Variants in KCNIP1 observed in about 807,000 individuals in gnomAD.
KCNIP1 encodes the protein A-type potassium channel modulatory protein KCNIP1.
A neutral mutation model predicts 33.0 loss-of-function variants in KCNIP1; 18 were observed. The ratio of observed to expected loss-of-function variants is 0.55; its 90% confidence interval spans 0.38 to 0.81. KCNIP1 has a LOEUF of 0.81. Ranked by LOEUF, KCNIP1 falls within the 30% of genes least tolerant of loss-of-function variation. The probability of loss-of-function intolerance (pLI) is 0.00; values close to 1 mark genes in which losing one functional copy is unlikely to be tolerated. For missense variants in KCNIP1, 238 were observed against 271.6 expected (o/e 0.88, Z 0.87); for synonymous variants, 93 against 98.3 (o/e 0.95, Z 0.32).
chr5:170,569,249 C>T lies in KCNIP1; in HGVS notation c.61+64616C>T, dbSNP rs547552894. ...AACTTTGCAAGCTTCTTCAAAGGAG[C>T]CCGTTCTGACCCAGGTCGATGGAGC... On this transcript the variant is annotated intron_variant, in intron 1 of 7. Transcript: ENST00000328939. Among the ~76,000 whole-genome samples, 6 of 152,376 alleles carry T rather than the reference C, an allele frequency of 3.9e-5. No homozygotes were observed. The South Asian group carries it at 1.0e-3, about 26-fold the overall frequency.
At chr5:170,521,382 GTC>G (rs1175620700) in intron 1 of KCNIP1, among the ~76,000 whole-genome samples, 2 of 152,202 alleles carry the variant, frequency 1.3e-5, no homozygotes, top group Non-Finnish European at 2.9e-5. Context: ...AGTGCAGGCT[GTC>G]TCTCTGCTCT....
intron 1 of KCNIP1, among the ~76,000 whole-genome samples, chr5:170,700,535 C>T (rs1308303666): frequency 6.6e-6 from 1 of 152,168 alleles, no homozygotes; most frequent in Non-Finnish European, 1.5e-5. Flanking sequence ...CCCCATTGCA[C>T]TCCATTCTAG....
intron 1 of KCNIP1, chr5:170,422,336 T>G (rs1416515844): frequency 6.6e-6 from 1 of 152,234 alleles, no homozygotes; most frequent in African/African-American, 2.4e-5. Context: ...GTCTTCAACT[T>G]TATCGTCTCA....
chr5:170,673,012 C>T (rs1467616364), intron 1 of KCNIP1, among the ~76,000 whole-genome samples: 3 of 152,214 alleles, frequency 2.0e-5, no homozygotes, highest in Non-Finnish European at 4.4e-5. Flanking sequence ...TACAGATCAT[C>T]CTGGACTATC....
intron 1 of KCNIP1, among the ~76,000 whole-genome samples, chr5:170,576,605 A>G (rs990517919): frequency 6.6e-6 from 1 of 152,232 alleles, no homozygotes; most frequent in Non-Finnish European, 1.5e-5. Context: ...CCCATGATTT[A>G]TTAGCCACTC....
Position 170,577,540 on chromosome 5 carries a change from C to T in KCNIP1, c.61+72907C>T, listed in dbSNP as rs535813107. 2.6e-5 allele frequency among the ~76,000 whole-genome samples: 4 copies of T among 152,196 alleles called. No individual in the cohort carries two copies. In the South Asian group the frequency reaches 8.3e-4, roughly 32 times the overall value. On this transcript the variant is annotated intron_variant, in intron 1 of 7. Coordinates refer to ENST00000328939, the MANE Select transcript of KCNIP1 (RefSeq NM_014592.4). ...TCTAACTGAATCTTTTAATATGGAC[C>T]GTCTCACTTGTTAATTCTGACTCAG...
chr5:170,674,813 A>G (rs1022888952), intron 1 of KCNIP1, among the ~76,000 whole-genome samples: 3 of 152,156 alleles, frequency 2.0e-5, no homozygotes, highest in Admixed American at 6.5e-5. Flanking sequence ...TCCAGTCTCC[A>G]TGGAGCTGAC....
In KCNIP1 at chr5:170,598,904, CGTGTGTGTGT is replaced by C. The variant is rs70979192; in HGVS notation, c.61+94300_61+94309del. Among the ~76,000 whole-genome samples the C allele has an allele frequency of 5.3e-4, 71 of 133,868 alleles. No individual in the cohort carries two copies. The East Asian group carries it at 6.1e-3, about 12-fold the overall frequency. The allele number at this position is 133,868 out of a possible 152,430, so 87.8% of individuals were successfully genotyped here. The stretch of plus-strand genomic sequence containing the variant: ...CATAGCCCCGCTGTGTGTGTGTGCG[CGTGTGTGTGT>C]GTGTGTGTGTGTGTGTGTGTGTGTG... On this transcript the variant is annotated intron_variant, in intron 1 of 7. Coordinates refer to ENST00000328939, the MANE Select transcript of KCNIP1 (RefSeq NM_014592.4).
chr5:170,654,664 T>C (rs1761191056), intron 1 of KCNIP1, among the ~76,000 whole-genome samples: 1 of 152,228 alleles, frequency 6.6e-6, no homozygotes, highest in South Asian at 2.1e-4. Flanking sequence ...ATATCAAGCA[T>C]CTGGAAGTAG....
At chr5:170,605,954 T>C (rs774167691) in intron 1 of KCNIP1, among the ~76,000 whole-genome samples, 1 of 152,140 alleles carries the variant, frequency 6.6e-6, no homozygotes, top group South Asian at 2.1e-4. Context: ...TTTGTATTTT[T>C]AGTAGCGACG....
intron 1 of KCNIP1, among the ~76,000 whole-genome samples, chr5:170,549,277 T>C (rs1581309750): frequency 6.6e-6 from 1 of 152,214 alleles, no homozygotes; most frequent in East Asian, 1.9e-4. Flanking sequence ...TCCTAGGCCA[T>C]GATAATGCTC....
chr5:170,709,061 C>T (rs1165677033), intron 1 of KCNIP1, among the ~76,000 whole-genome samples: 1 of 151,914 alleles, frequency 6.6e-6, no homozygotes, highest in African/African-American at 2.4e-5. Context: ...ACTTTATGGC[C>T]CAGGAAATGG....
At chr5:170,415,491 C>T (rs1755303481) in intron 1 of KCNIP1, among the ~76,000 whole-genome samples, 1 of 152,182 alleles carries the variant, frequency 6.6e-6, no homozygotes, top group Admixed American at 6.5e-5. Flanking sequence ...TCTCAAGACA[C>T]ACCACCCAGG....
At chr5:170,392,091 C>T (rs987670587) in intron 1 of KCNIP1, among the ~76,000 whole-genome samples, 2 of 152,166 alleles carry the variant, frequency 1.3e-5, no homozygotes, top group African/African-American at 4.8e-5. Context: ...CACACGCTCT[C>T]GGGACATGTA....
chr5:170,732,802 G>A lies in KCNIP1; in HGVS notation c.438G>A (p.Glu146=), dbSNP rs1233943569. The A allele has an allele frequency of 6.2e-7, 1 of 1,604,612 alleles. No homozygotes were observed. Among genetic ancestry groups the A allele is most frequent in the African/African-American group, 1.3e-5 (1 of 74,724 alleles). Residue 146 remains glutamate, a splice_region_variant and synonymous_variant, in exon 6 of 8, where the codon GAG becomes GAA. Transcript: ENST00000328939. ...GTGCTTTTATGTCCCTGCTCCAGGA[G>A]ATGATGGACATTGTCAAAGCCATCT... The part of the protein sequence containing the change: ...INKDGYINKE[E]MMDIVKAIYD...
rs576384787 is a variant in KCNIP1, at chr5:170,372,388, A to G, written c.88+18424A>G. On this transcript the variant is annotated intron_variant, in intron 1 of 7. Transcript: ENST00000377360. ...CCCTATTATTTAGGGGGTTTTATGA[A>G]GATTTCACTACATAGGCATGATTGT... Among the ~76,000 whole-genome samples the G allele has an allele frequency of 9.9e-5, 15 of 152,214 alleles. 1 individual carries two copies. In the South Asian group the frequency reaches 3.1e-3, roughly 32 times the overall value.
At chr5:170,535,596 C>T (rs190093440) in intron 1 of KCNIP1, among the ~76,000 whole-genome samples, 17 of 152,274 alleles carry the variant, frequency 1.1e-4, no homozygotes, top group African/African-American at 4.1e-4. Flanking sequence ...CAGCACCCCA[C>T]CCCCAGTTGT....
intron 1 of KCNIP1, among the ~76,000 whole-genome samples, chr5:170,534,710 G>A (rs1283005645): frequency 6.6e-6 from 1 of 151,972 alleles, no homozygotes; most frequent in African/African-American, 2.4e-5. Flanking sequence ...TTGTAGAAAT[G>A]GGGGTCTCAT....
rs533499212 is a variant in KCNIP1 at position 170,638,833 on chromosome 5, C to T, written c.62-79925C>T. 3.0e-4 allele frequency among the ~76,000 whole-genome samples: 46 copies of T among 152,338 alleles called. No individual in the cohort carries two copies. The South Asian group carries it at 3.3e-3, about 11-fold the overall frequency. On this transcript the variant is annotated intron_variant, in intron 1 of 7. Coordinates refer to ENST00000328939, the MANE Select transcript of KCNIP1 (RefSeq NM_014592.4). ...GAACCCTCCTCCTCTCCCGAATCTC[C>T]GGGCTTCCTGCATCCCTGGGAGGCA...
Sources: allele counts gnomAD v4.1 joint callset (sites outside exome capture counted in the v4.1 genomes callset), GRCh38; gene constraint gnomAD v4.1.1; transcripts MANE v1.5; gene names NCBI Gene and HGNC (gene_info 2026-07-23, HGNC 2026-07-21).